ZNF469: variants seen among roughly 807,000 people sequenced by gnomAD.
ZNF469 encodes zinc finger protein 469.
Under a neutral mutation model 1.0 loss-of-function variants are expected in ZNF469, and 1 was observed. That is an observed-to-expected ratio of 1.00 (90% CI 0.35 to 4.73). The LOEUF is 4.73. ZNF469 is among the 30% of genes most tolerant of loss of function. ZNF469 has a pLI of 0.16. For missense variants in ZNF469, 6,100 were observed against 5,356.3 expected (o/e 1.14, Z -4.33); for synonymous variants, 2,703 against 2,363.4 (o/e 1.14, Z -4.17).
chr16:88,359,801 T>C, the ZNF469 span, among the ~76,000 whole-genome samples: 1 of 152,228 alleles, frequency 6.6e-6, no homozygotes. Flanking sequence ...CTCGAAAGAA[T>C]TCTACAGTGA....
chr16:88,426,500 C>T (rs1239150167), intron 2 of ZNF469, among the ~76,000 whole-genome samples: 1 of 152,276 alleles, frequency 6.6e-6, no homozygotes, highest in East Asian at 1.9e-4. Context: ...GAGTGTGAAG[C>T]CAGCCCTGGG....
At chr16:88,243,949 T>TAAATAA in the ZNF469 span, among the ~76,000 whole-genome samples, 1 of 94,242 alleles carries the variant, frequency 1.1e-5, no homozygotes. Context: ...TATATATATA[T>TAAATAA]ATAAATGTAT....
At chr16:88,307,670 C>T in the ZNF469 span, among the ~76,000 whole-genome samples, 1 of 152,218 alleles carries the variant, frequency 6.6e-6, no homozygotes, top group Admixed American at 6.5e-5. Flanking sequence ...TCAGACCCTT[C>T]ACCCCATTTT....
chr16:88,381,205 GACACACAC>G (rs140845577), upstream of ZNF469, among the ~76,000 whole-genome samples: 1 of 99,292 alleles, frequency 1.0e-5, no homozygotes, highest in African/African-American at 3.5e-5. Flanking sequence ...TGCATTCACA[GACACACAC>G]ACAGACATGC....
Position 88,435,521 on chromosome 16 carries a change from G to T in ZNF469, c.8051G>T (p.Gly2684Val), listed in dbSNP as rs1244410744. The change falls in exon 3 of 3, where the codon GGG becomes GTG. Residue 2684 changes from glycine to valine, a missense_variant. Transcript: ENST00000565624. ...SPSHCLSVEG[G>V]PEADGEQPPR... ...AGCCACTGCCTCTCTGTGGAAGGAG[G>T]GCCTGAGGCTGACGGGGAGCAGCCG... 1 of 1,549,428 alleles carries T rather than the reference G, an allele frequency of 6.5e-7. No homozygotes were observed. Among genetic ancestry groups the T allele is most frequent in the South Asian group, 1.2e-5 (1 of 84,064 alleles).
In ZNF469 at chr16:88,437,981, C is replaced by T. The variant is rs1329770485; in HGVS notation, c.10511C>T (p.Ser3504Phe). ...RGSSPILSEG[S>F]LPALLHLCSE... is the part of the protein sequence containing the mutation. ...AGCAGCCCCATCCTGAGTGAGGGCT[C>T]TCTCCCGGCCCTGCTCCACCTGTGT... The change falls in exon 3 of 3, where the codon TCT (serine) becomes TTT (phenylalanine). Residue 3504 changes from serine to phenylalanine, a missense_variant. By Grantham distance (155) the Ser-to-Phe change is radical. Transcript: ENST00000565624. 2 of 1,548,112 alleles carry T rather than the reference C, an allele frequency of 1.3e-6. No homozygotes were observed. The highest frequency in any genetic ancestry group is 1.7e-4 in the Middle Eastern group (1 of 5,990).
chr16:88,311,054 A>G, the ZNF469 span, among the ~76,000 whole-genome samples: 6 of 151,026 alleles, frequency 4.0e-5, no homozygotes, highest in African/African-American at 1.2e-4. Context: ...CTCCTCTCCA[A>G]CTCCTTGTTT....
the ZNF469 span, among the ~76,000 whole-genome samples, chr16:88,235,824 G>C: frequency 1.3e-5 from 2 of 152,336 alleles, no homozygotes; most frequent in East Asian, 3.9e-4. Context: ...TGTGCCGCAG[G>C]GGGTTGGGCC....
At chr16:88,258,952 A>G in the ZNF469 span, among the ~76,000 whole-genome samples, 1 of 152,188 alleles carries the variant, frequency 6.6e-6, no homozygotes, top group South Asian at 2.1e-4. Flanking sequence ...GTGGGGTGGT[A>G]GAGATTTGAG....
chr16:88,437,028 C>T lies in ZNF469; in HGVS notation c.9558C>T (p.Asp3186=), dbSNP rs1185635588. The T allele has an allele frequency of 9.1e-6, 14 of 1,530,270 alleles. No individual in the cohort carries two copies. The highest frequency in any genetic ancestry group is 2.0e-5 in the Admixed American group (1 of 50,326). 94.8% of individuals were successfully genotyped at this position (1,530,270 alleles called of 1,614,324 possible). Residue 3186 remains aspartate (D), a synonymous_variant, in exon 3 of 3, where the codon GAC becomes GAT. Coordinates refer to ENST00000565624, the MANE Select transcript of ZNF469 (RefSeq NM_001367624.2). ...ACGMCLKEVA[D]VWMYNEHLRE... ...GCATGTGCCTGAAGGAGGTGGCCGA[C>T]GTCTGGATGTACAACGAGCACCTGC...
chr16:88,202,939 G>A, the ZNF469 span, among the ~76,000 whole-genome samples: 12 of 152,184 alleles, frequency 7.9e-5, no homozygotes, highest in South Asian at 2.1e-4. Flanking sequence ...TGCCGCAGCC[G>A]ATGCCCTGTC....
chr16:88,204,295 A>C, the ZNF469 span, among the ~76,000 whole-genome samples: 1 of 152,198 alleles, frequency 6.6e-6, no homozygotes, highest in African/African-American at 2.4e-5. Context: ...CCGTAACCTC[A>C]TAGAGCAGCT....
the ZNF469 span, among the ~76,000 whole-genome samples, chr16:88,140,988 C>G: frequency 2.6e-5 from 4 of 152,108 alleles, no homozygotes; most frequent in African/African-American, 9.6e-5. Flanking sequence ...TGGCCCTTTA[C>G]AAGAGAATTT....
the ZNF469 span, among the ~76,000 whole-genome samples, chr16:88,101,331 T>C: frequency 1.3e-5 from 2 of 152,102 alleles, no homozygotes; most frequent in African/African-American, 4.8e-5. Flanking sequence ...CAAAGGCGAA[T>C]TCGTTTGGTG....
At chr16:88,142,644 C>T in the ZNF469 span, among the ~76,000 whole-genome samples, 3 of 152,150 alleles carry the variant, frequency 2.0e-5, no homozygotes, top group Non-Finnish European at 4.4e-5. Context: ...CCCTGGGGCT[C>T]GAACTCTATT....
chr16:88,352,127 G>C, the ZNF469 span, among the ~76,000 whole-genome samples: 2 of 152,256 alleles, frequency 1.3e-5, no homozygotes, highest in South Asian at 4.2e-4. Flanking sequence ...GGGGGCGGGG[G>C]ATGGAGAGTG....
the ZNF469 span, among the ~76,000 whole-genome samples, chr16:88,320,108 T>G: frequency 6.6e-6 from 1 of 152,246 alleles, no homozygotes; most frequent in South Asian, 2.1e-4. Context: ...CAAAAGCAGG[T>G]GGGACATTTA....
At chr16:88,382,430 G>A (rs778295095), upstream of ZNF469, among the ~76,000 whole-genome samples, 1 of 152,254 alleles carries the variant, frequency 6.6e-6, no homozygotes, top group African/African-American at 2.4e-5. Flanking sequence ...CAGTCCCAGG[G>A]CTGGACAAGG....
the ZNF469 span, among the ~76,000 whole-genome samples, chr16:88,335,377 C>G: frequency 6.6e-6 from 1 of 152,232 alleles, no homozygotes; most frequent in Admixed American, 6.5e-5. Flanking sequence ...AGGGCCACTC[C>G]GGGGTGCTCT....
Sources: gnomAD v4.1 joint callset for allele counts (sites outside exome capture counted in the v4.1 genomes callset) on GRCh38, gnomAD v4.1.1 for gene constraint, MANE v1.5 for transcripts, NCBI Gene and HGNC (gene_info 2026-07-23, HGNC 2026-07-21) for gene names.